The following COL4A6 variants were observed in gnomAD, a reference collection of about 807,000 sequenced individuals.
COL4A6 encodes collagen type IV alpha 6 chain.
COL4A6 carries 59 observed loss-of-function variants against 126.7 expected under a neutral mutation model. The ratio of observed to expected loss-of-function variants is 0.47; its 90% CI spans 0.38 to 0.58. The LOEUF is 0.58. Among genes scored for constraint, COL4A6 ranks in the 20% least tolerant of loss-of-function variants. The pLI, the probability that COL4A6 is intolerant of heterozygous loss-of-function variation, is 0.00. For missense variants in COL4A6, 1,285 were observed against 1,337.3 expected (o/e 0.96, Z 0.61); for synonymous variants, 547 against 496.6 (o/e 1.10, Z -1.35).
At chrX:108,399,045 C>A (rs1236704194) in intron 2 of COL4A6, among the ~76,000 whole-genome samples, 1 of 111,059 alleles carries the variant, frequency 9.0e-6, no homozygotes, top group Non-Finnish European at 1.9e-5. Context: ...TGTAGTATGG[C>A]CAGTCAAAGT....
intron 2 of COL4A6, among the ~76,000 whole-genome samples, chrX:108,436,455 T>C (rs982788529): frequency 1.8e-5 from 2 of 112,902 alleles, no homozygotes; most frequent in African/African-American, 6.4e-5. Flanking sequence ...TTCCCAAAAG[T>C]ACACTGAATA....
At chrX:108,224,781 C>A (rs929681810) in intron 3 of COL4A6, among the ~76,000 whole-genome samples, 6 of 111,855 alleles carry the variant, frequency 5.4e-5, no homozygotes, top group African/African-American at 2.0e-4. Flanking sequence ...TGCCTCATTA[C>A]CCATACAGCT....
intron 2 of COL4A6, among the ~76,000 whole-genome samples, chrX:108,335,763 T>G (rs1212057848): frequency 9.0e-6 from 1 of 110,826 alleles, no homozygotes; most frequent in East Asian, 2.8e-4. Context: ...AGTAGCAAAA[T>G]AAATAAGAGG....
rs140656875 is a variant in COL4A6 at position 108,325,501 on chromosome X, G to A, written c.64-14673C>T. 1.0e-3 allele frequency among the ~76,000 whole-genome samples: 116 copies of A among 111,375 alleles called. 4 individuals are homozygous for A. The East Asian group carries it at 0.032, about 30-fold the overall frequency. ...AATAAAGGAAACTCCTGGGCTAGATGGCCTCACTGGTGATTTCTACCAAAC... is the reference window on the plus strand; with the variant it reads ...AATAAAGGAAACTCCTGGGCTAGATAGCCTCACTGGTGATTTCTACCAAAC... On this transcript the variant is annotated intron_variant, in intron 2 of 44. Transcript: ENST00000334504.
intron 2 of COL4A6, among the ~76,000 whole-genome samples, chrX:108,411,891 T>G (rs1457565696): frequency 5.4e-5 from 6 of 110,660 alleles, no homozygotes; most frequent in Admixed American, 9.7e-5. Flanking sequence ...AGGGAGGGGT[T>G]GCTCGGTGTT....
intron 2 of COL4A6, among the ~76,000 whole-genome samples, chrX:108,343,165 A>ATAGTGTGTGT (rs1377817612): frequency 2.6e-3 from 83 of 31,374 alleles, no homozygotes; most frequent in African/African-American, 7.2e-3. Context: ...ATATATATAT[A>ATAGTGTGTGT]GTGTGTGTGT....
At chrX:108,228,982 T>A (rs1316047902) in intron 3 of COL4A6, among the ~76,000 whole-genome samples, 1 of 112,333 alleles carries the variant, frequency 8.9e-6, no homozygotes, top group African/African-American at 3.2e-5. Context: ...TGTTAGTGAA[T>A]GCATTCTAAA....
upstream of COL4A6, among the ~76,000 whole-genome samples, chrX:108,438,604 C>T (rs2064318892): frequency 8.9e-6 from 1 of 112,301 alleles, no homozygotes; most frequent in Non-Finnish European, 1.9e-5. Flanking sequence ...ACGCTAAGAC[C>T]TAAGCAACTG....
intron 2 of COL4A6, among the ~76,000 whole-genome samples, chrX:108,424,062 T>G (rs777054617): frequency 9.1e-6 from 1 of 109,781 alleles, no homozygotes; most frequent in African/African-American, 3.3e-5. Flanking sequence ...CACTCAACCA[T>G]GTTCATCCCT....
At chrX:108,222,588 A>G (rs141480119) in intron 3 of COL4A6, among the ~76,000 whole-genome samples, 5 of 111,919 alleles carry the variant, frequency 4.5e-5, no homozygotes, top group Non-Finnish European at 5.6e-5. Flanking sequence ...TTGAGTGTCA[A>G]TCAGGCCCAC....
At chrX:108,190,200 T>A in intron 20 of COL4A6, among the ~76,000 whole-genome samples, 192 bp downstream of exon 20, 1 of 112,246 alleles carries the variant, frequency 8.9e-6, no homozygotes, top group Non-Finnish European at 1.9e-5. Flanking sequence ...AACTTGGTCC[T>A]GTGTGACCTC....
chrX:108,346,535 A>G (rs938609415), intron 2 of COL4A6, among the ~76,000 whole-genome samples: 2 of 112,209 alleles, frequency 1.8e-5, no homozygotes, highest in Admixed American at 9.4e-5. Flanking sequence ...TGAACCCACC[A>G]AATATCACCC....
chrX:108,401,655 T>C (rs1038001665), intron 2 of COL4A6, among the ~76,000 whole-genome samples: 1 of 111,230 alleles, frequency 9.0e-6, no homozygotes, highest in African/African-American at 3.3e-5. Flanking sequence ...ACAATGCAGG[T>C]ATATTATTTT....
chrX:108,354,963 C>T (rs2039927267), intron 2 of COL4A6, among the ~76,000 whole-genome samples: 1 of 111,313 alleles, frequency 9.0e-6, no homozygotes, highest in Non-Finnish European at 1.9e-5. Context: ...TCTTTTCTTT[C>T]CACACCTCGT....
intron 2 of COL4A6, among the ~76,000 whole-genome samples, chrX:108,406,599 T>G (rs1331268263): frequency 8.9e-6 from 1 of 112,171 alleles, no homozygotes; most frequent in East Asian, 2.8e-4. Flanking sequence ...ATGCTGGTTC[T>G]TGCCCTGTTT....
At chrX:108,265,676 G>A (rs997278812) in intron 3 of COL4A6, among the ~76,000 whole-genome samples, 9 of 110,748 alleles carry the variant, frequency 8.1e-5, no homozygotes, top group Non-Finnish European at 1.7e-4. Context: ...TCAGGAAGAC[G>A]AAATAGTGTG....
At chrX:108,290,910 G>A (rs1603024504) in intron 3 of COL4A6, among the ~76,000 whole-genome samples, 2 of 112,497 alleles carry the variant, frequency 1.8e-5, no homozygotes, top group South Asian at 7.4e-4. Flanking sequence ...GAAAAAGAAA[G>A]AGGTTGAATT....
intron 2 of COL4A6, among the ~76,000 whole-genome samples, chrX:108,376,107 A>C (rs184439611): frequency 4.5e-5 from 5 of 111,933 alleles, no homozygotes; most frequent in Non-Finnish European, 7.5e-5. Context: ...TAAAACAATA[A>C]AAATATATCC....
At chrX:108,271,630 G>T (rs780992318) in intron 3 of COL4A6, among the ~76,000 whole-genome samples, 1 of 111,081 alleles carries the variant, frequency 9.0e-6, no homozygotes, top group African/African-American at 3.3e-5. Context: ...CAGCTTACAT[G>T]TCACATGCCA....
Sources: allele counts gnomAD v4.1 joint callset (sites outside exome capture counted in the v4.1 genomes callset), GRCh38; gene constraint gnomAD v4.1.1; transcripts MANE v1.5; gene names NCBI Gene and HGNC (gene_info 2026-07-23, HGNC 2026-07-21).